The following HERC2 variants were observed in gnomAD, a reference collection of about 807,000 sequenced individuals.
The protein encoded by HERC2 is E3 ubiquitin-protein ligase HERC2.
Under a neutral mutation model 537.7 loss-of-function variants are expected in HERC2, and 102 were observed. That is an observed-to-expected ratio of 0.19 (90% confidence interval 0.16 to 0.22). HERC2 has a LOEUF of 0.22. Among genes scored for constraint, HERC2 ranks in the 10% least tolerant of loss-of-function variants. The probability of loss-of-function intolerance (pLI) is 1.00; values close to 1 mark genes in which losing one functional copy is unlikely to be tolerated. For missense variants in HERC2, 4,236 were observed against 6,198.2 expected (o/e 0.68, Z 10.63); for synonymous variants, 2,224 against 2,466.2 (o/e 0.90, Z 2.91).
At position 28,228,078 on chromosome 15, in the gene HERC2, T is replaced by A. The variant is rs140828528; in HGVS notation, c.5464+140A>T. The stretch of plus-strand genomic sequence containing the variant: ...TATTTGATACCGCTGAATTGTGACG[T>A]TAAAATGGTACACTTCCTATTTGTG... On this transcript the variant is annotated intron_variant, in intron 35 of 92. Transcript: ENST00000261609. The A allele has an allele frequency of 4.9e-5, 37 of 753,932 alleles. No individual in the cohort carries two copies. In the African/African-American group the frequency reaches 6.2e-4, roughly 13 times the overall value. The allele number at this position is 753,932 out of a possible 1,614,324, so 46.7% of individuals were successfully genotyped here.
chr15:28,307,280 G>A (rs911422248), intron 2 of HERC2, among the ~76,000 whole-genome samples: 2 of 152,184 alleles, frequency 1.3e-5, no homozygotes, highest in Non-Finnish European at 2.9e-5. Flanking sequence ...CTCTTAGCCT[G>A]CCTGAAGGCT....
At chr15:28,287,872 C>T (rs368249666) in intron 4 of HERC2, among the ~76,000 whole-genome samples, 265 of 151,972 alleles carry the variant, frequency 1.7e-3, no homozygotes, top group Middle Eastern at 3.4e-3. Context: ...TACAGGTGCC[C>T]ACCACCACGC....
At chr15:28,150,324 T>G (rs1892302961) in intron 70 of HERC2, among the ~76,000 whole-genome samples, 1 of 144,682 alleles carries the variant, frequency 6.9e-6, no homozygotes, top group Non-Finnish European at 1.5e-5. Context: ...CTAGTAAAAT[T>G]ACTGAAAAAA....
chr15:28,208,494 C>T (rs572398436), intron 44 of HERC2, among the ~76,000 whole-genome samples: 113 of 152,058 alleles, frequency 7.4e-4, no homozygotes, highest in African/African-American at 2.7e-3. Context: ...TACTCCTATA[C>T]CTTCCTAGCA....
At chr15:28,199,116 C>T (rs1444837625) in intron 48 of HERC2, among the ~76,000 whole-genome samples, 1 of 151,748 alleles carries the variant, frequency 6.6e-6, no homozygotes, top group African/African-American at 2.4e-5. Context: ...AACTGCACTC[C>T]AGCCTGAGTG....
At chr15:28,292,590 G>A (rs1479391957) in intron 4 of HERC2, among the ~76,000 whole-genome samples, 1 of 151,988 alleles carries the variant, frequency 6.6e-6, no homozygotes, top group Admixed American at 6.6e-5. Flanking sequence ...GTGAGGCAGG[G>A]AGATCCCTTG....
At chr15:28,209,320 T>C (rs1596233402) in intron 44 of HERC2, among the ~76,000 whole-genome samples, 2 of 152,038 alleles carry the variant, frequency 1.3e-5, no homozygotes, top group South Asian at 4.2e-4. Flanking sequence ...ATAACAACTA[T>C]TTACATATCA....
Position 28,196,349 on chromosome 15 carries a change from T to C in HERC2, c.8126A>G (p.Asp2709Gly). 7.5e-7 allele frequency: 1 copy of C among 1,341,356 alleles called. No individual in the cohort carries two copies. The allele number at this position is 1,341,356 out of a possible 1,614,324, so 83.1% of individuals were successfully genotyped here. Residue 2709 changes from aspartate to glycine, a missense_variant, in exon 52 of 93, where the codon GAT becomes GGT. By Grantham distance (94) the Asp-to-Gly change is moderately conservative. Transcript: ENST00000261609. ...ATTGATAGGAAACATCTGACATCCATCACACCTATTTGTAAAATAGCAACT... is the reference window on the plus strand; with the variant it reads ...ATTGATAGGAAACATCTGACATCCACCACACCTATTTGTAAAATAGCAACT... ...VPSIHPGVTC[D>G]GCQMFPINGS... is the part of the protein sequence containing the mutation.
At chr15:28,128,039 T>C (rs1199523935) in intron 83 of HERC2, among the ~76,000 whole-genome samples, 2 of 152,122 alleles carry the variant, frequency 1.3e-5, no homozygotes, top group Admixed American at 6.6e-5. Context: ...AAACTGCATG[T>C]CACCTGCAAG....
chr15:28,261,041 G>A, intron 15 of HERC2, 71 bp from the exon 16 acceptor site: 1 of 1,173,360 alleles, frequency 8.5e-7, no homozygotes. Context: ...TATTTCCTAG[G>A]CCATTCAGGT....
intron 40 of HERC2, 47 bp downstream of exon 40, chr15:28,214,608 C>G (rs1899675724): frequency 6.2e-7 from 1 of 1,603,152 alleles, no homozygotes; most frequent in Non-Finnish European, 8.5e-7. Flanking sequence ...AGTGACGGCA[C>G]TGCGCCGCTC....
Position 28,142,276 on chromosome 15 carries a change from C to T in HERC2, c.11662G>A (p.Asp3888Asn). 2 of 1,614,186 alleles carry T rather than the reference C, an allele frequency of 1.2e-6. No homozygotes were observed. The highest frequency in any genetic ancestry group is 1.7e-6 in the Non-Finnish European group (2 of 1,180,024). The change falls in exon 76 of 93, where the codon GAC (aspartate) becomes AAC (asparagine). Residue 3888 changes from aspartate to asparagine, a missense_variant. Asp to Asn is a conservative substitution (Grantham distance 23). Transcript: ENST00000261609. ...AGACGGGGCAACGGTGTTCTTTTGT[C>T]AAGGGCCACAGCAACACGGGAGGCC... ...CMASRVAVAL[D>N]KRTPLPRLFL...
At position 28,113,685 on chromosome 15, in the gene HERC2, GA is replaced by G; in HGVS notation, c.13914-8del. 1.9e-6 allele frequency: 3 copies of G among 1,611,268 alleles called. No individual in the cohort carries two copies. The highest frequency in any genetic ancestry group is 2.5e-6 in the Non-Finnish European group (3 of 1,177,504). ...CTCATCAAATTCATGGAGTCTGGAAGAAAAAGCTCACTTTACACTTCTGTCT... is the reference window on the plus strand; with the variant it reads ...CTCATCAAATTCATGGAGTCTGGAAGAAAAGCTCACTTTACACTTCTGTCT... On this transcript the variant is annotated splice_region_variant and splice_polypyrimidine_tract_variant and intron_variant, in intron 90 of 92. Coordinates refer to ENST00000261609, the MANE Select transcript of HERC2 (RefSeq NM_004667.6). The surrounding 1 kb of genome is among the most constrained non-coding windows in gnomAD (Gnocchi z 7.0).
At chr15:28,158,644 T>C (rs974524243) in intron 69 of HERC2, among the ~76,000 whole-genome samples, 2 of 152,196 alleles carry the variant, frequency 1.3e-5, no homozygotes, top group African/African-American at 2.4e-5. Context: ...GCACATGAGA[T>C]GGGTTTCCTG....
rs145714900 is a variant in HERC2 at position 28,163,008 on chromosome 15, G to A, written c.10746+86C>T. Reference sequence around the variant, plus strand: ...TGAAACCCAGCACAAGATCACCGGTGATCCATAGCAGCTCTCCTTTGGAGA... The same window carrying A: ...TGAAACCCAGCACAAGATCACCGGTAATCCATAGCAGCTCTCCTTTGGAGA... On this transcript the variant is annotated intron_variant, in intron 69 of 92. Transcript: ENST00000261609. The A allele has an allele frequency of 1.3e-4, 148 of 1,132,638 alleles. No individual in the cohort carries two copies. In the African/African-American group the frequency reaches 2.0e-3, roughly 16 times the overall value. 70.2% of individuals were successfully genotyped at this position (1,132,638 alleles called of 1,614,324 possible).
At chr15:28,152,149 AGAAGGACGG>A (rs1892520715) in intron 70 of HERC2, among the ~76,000 whole-genome samples, 1 of 152,240 alleles carries the variant, frequency 6.6e-6, no homozygotes, top group Non-Finnish European at 1.5e-5. Flanking sequence ...AGCACCTTGC[AGAAGGACGG>A]GCCTGAGGAA....
At chr15:28,273,800 T>C (rs919414804) in intron 7 of HERC2, among the ~76,000 whole-genome samples, 4 of 152,344 alleles carry the variant, frequency 2.6e-5, no homozygotes, top group Admixed American at 6.5e-5. Flanking sequence ...TTAACAAAAA[T>C]GCATAGCACC....
intron 50 of HERC2, among the ~76,000 whole-genome samples, 195 bp from the exon 51 acceptor site, chr15:28,196,764 A>C (rs1415773001): frequency 6.6e-6 from 1 of 152,240 alleles, no homozygotes. Flanking sequence ...CAAAATAATC[A>C]CAAGAAGGGA....
chr15:28,250,044 C>T (rs1904137003), intron 20 of HERC2, among the ~76,000 whole-genome samples: 1 of 151,898 alleles, frequency 6.6e-6, no homozygotes, highest in Admixed American at 6.6e-5. Flanking sequence ...GAGCCTGGTT[C>T]CAGACCCACC....
Sources: gnomAD v4.1 joint callset for allele counts (sites outside exome capture counted in the v4.1 genomes callset) on GRCh38, gnomAD v4.1.1 for gene constraint, Gnocchi (gnomAD v3.1) non-coding constraint, MANE v1.5 for transcripts, NCBI Gene and HGNC (gene_info 2026-07-23, HGNC 2026-07-21) for gene names.